KCNMA1: variants seen among roughly 807,000 people sequenced by gnomAD.
KCNMA1 encodes the protein Calcium-activated potassium channel subunit alpha-1.
In KCNMA1, 29 loss-of-function variants were observed where a neutral mutation model predicts 140.0. That is an observed-to-expected ratio of 0.21 (90% CI 0.15 to 0.28). KCNMA1 has a LOEUF of 0.28. KCNMA1 is among the 10% of genes least tolerant of loss of function. The pLI, the probability that KCNMA1 is intolerant of heterozygous loss-of-function variation, is 1.00. For missense variants in KCNMA1, 880 were observed against 1,602.2 expected, an observed-to-expected ratio of 0.55 and a Z score of 7.70; for synonymous variants, 612 against 611.9, an observed-to-expected ratio of 1.00 and a Z score of 0.00.
intron 1 of KCNMA1, among the ~76,000 whole-genome samples, chr10:77,434,596 AC>A (rs1254839063): frequency 1.3e-5 from 2 of 152,078 alleles, no homozygotes; most frequent in Non-Finnish European, 2.9e-5. Flanking sequence ...TCACGACAGG[AC>A]CCCCGAACCC....
intron 23 of KCNMA1, among the ~76,000 whole-genome samples, chr10:76,938,054 T>C (rs2061031587): frequency 6.6e-6 from 1 of 152,100 alleles, no homozygotes; most frequent in African/African-American, 2.4e-5. Context: ...GCTCAGCTTT[T>C]GGTTCTCCGG....
intron 9 of KCNMA1, among the ~76,000 whole-genome samples, chr10:77,100,180 C>T (rs887451289): frequency 2.0e-5 from 3 of 152,124 alleles, no homozygotes; most frequent in South Asian, 4.1e-4. Context: ...CACATTTTAC[C>T]CACAGCACAT....
intron 1 of KCNMA1, among the ~76,000 whole-genome samples, chr10:77,547,410 C>A (rs746159488): frequency 6.6e-6 from 1 of 152,210 alleles, no homozygotes; most frequent in African/African-American, 2.4e-5. Flanking sequence ...CTAGTTCAGA[C>A]AGCCCTCGCC....
intron 19 of KCNMA1, among the ~76,000 whole-genome samples, chr10:76,976,800 A>G (rs1046504372): frequency 5.3e-5 from 8 of 152,040 alleles, no homozygotes; most frequent in Non-Finnish European, 1.0e-4. Flanking sequence ...TAGACTCTCT[A>G]TTACCTCAAG....
At position 77,004,364 on chromosome 10, in the gene KCNMA1, G is replaced by A. The variant is rs568064710; in HGVS notation, c.2093-2784C>T. ...CATGAATCAGAATGTCTAGATCAAGGTGCCACCAACTGGGAAGGTGGCTCT... is the reference window on the plus strand; with the variant it reads ...CATGAATCAGAATGTCTAGATCAAGATGCCACCAACTGGGAAGGTGGCTCT... On this transcript the variant is annotated intron_variant, in intron 18 of 27. Coordinates refer to ENST00000286628, the MANE Select transcript of KCNMA1 (RefSeq NM_001161352.2). Among the ~76,000 whole-genome samples, 6 of 152,226 alleles carry A rather than the reference G, an allele frequency of 3.9e-5. No homozygotes were observed. The South Asian group carries it at 1.0e-3, about 26-fold the overall frequency.
chr10:77,538,499 A>G (rs1177129877), intron 1 of KCNMA1, among the ~76,000 whole-genome samples: 1 of 152,150 alleles, frequency 6.6e-6, no homozygotes, highest in Non-Finnish European at 1.5e-5. Context: ...CTTCTGAGTC[A>G]ACCAGATCTG....
At chr10:77,530,955 T>C (rs2057448949) in intron 1 of KCNMA1, among the ~76,000 whole-genome samples, 2 of 152,180 alleles carry the variant, frequency 1.3e-5, no homozygotes, top group South Asian at 4.1e-4. Context: ...AAGAAATTCG[T>C]CTGTGTCCCT....
At chr10:77,571,605 G>C (rs928068907) in intron 1 of KCNMA1, among the ~76,000 whole-genome samples, 26 of 152,136 alleles carry the variant, frequency 1.7e-4, no homozygotes, top group African/African-American at 5.6e-4. Flanking sequence ...TGGACCACCT[G>C]TCTGTCCCCT....
chr10:76,938,023 C>T (rs989315073), intron 23 of KCNMA1, among the ~76,000 whole-genome samples: 1 of 152,060 alleles, frequency 6.6e-6, no homozygotes, highest in Admixed American at 6.6e-5. Context: ...GCTCCTCCCT[C>T]CCCTGGGACA....
intron 13 of KCNMA1, 107 bp from the exon 14 acceptor site, chr10:77,073,359 C>G: frequency 1.8e-6 from 2 of 1,128,776 alleles, no homozygotes. Flanking sequence ...GCCATCCAGT[C>G]TTGCCCTTCT....
chr10:77,430,792 G>A (rs1268591451), intron 1 of KCNMA1, among the ~76,000 whole-genome samples: 1 of 152,194 alleles, frequency 6.6e-6, no homozygotes, highest in Non-Finnish European at 1.5e-5. Context: ...ATTCGTCTTT[G>A]TATCAATGCA....
At chr10:76,918,951 T>C (rs890467480) in intron 23 of KCNMA1, among the ~76,000 whole-genome samples, 35 of 94,406 alleles carry the variant, frequency 3.7e-4, no homozygotes, top group South Asian at 1.9e-3. Context: ...CACACACATA[T>C]ATATGTGAGT....
At chr10:77,360,815 C>T (rs1370915119) in intron 2 of KCNMA1, among the ~76,000 whole-genome samples, 24 of 152,132 alleles carry the variant, frequency 1.6e-4, no homozygotes, top group Admixed American at 1.4e-3. Context: ...AAGCAGCAGT[C>T]GGAATCTCTG....
chr10:77,309,174 T>C (rs1354875669), intron 2 of KCNMA1, among the ~76,000 whole-genome samples: 1 of 152,186 alleles, frequency 6.6e-6, no homozygotes, highest in South Asian at 2.1e-4. Flanking sequence ...CCTGCAACTT[T>C]CCTTAAGAAG....
chr10:76,893,254 C>A (rs533386695), intron 25 of KCNMA1, among the ~76,000 whole-genome samples: 1 of 152,284 alleles, frequency 6.6e-6, no homozygotes, highest in South Asian at 2.1e-4. Flanking sequence ...ATGCTTGGTG[C>A]ACAGGAAGCA....
chr10:77,498,432 GCA>G (rs1216156234), intron 1 of KCNMA1, among the ~76,000 whole-genome samples: 1 of 152,232 alleles, frequency 6.6e-6, no homozygotes, highest in African/African-American at 2.4e-5. Flanking sequence ...ACAAGTCCAA[GCA>G]CAGTTTGTAC....
chr10:77,481,545 C>T (rs1300803221), intron 1 of KCNMA1, among the ~76,000 whole-genome samples: 2 of 151,912 alleles, frequency 1.3e-5, no homozygotes, highest in African/African-American at 4.8e-5. Context: ...GAGGCCGAGA[C>T]GGGCGGATCA....
chr10:77,454,589 T>C (rs1024140765), intron 1 of KCNMA1, among the ~76,000 whole-genome samples: 2 of 152,212 alleles, frequency 1.3e-5, no homozygotes, highest in South Asian at 2.1e-4. Context: ...GTTAGATGAC[T>C]CCTCATTCCT....
At chr10:77,127,071 A>AACAC (rs60249347) in intron 5 of KCNMA1, among the ~76,000 whole-genome samples, 102 of 146,458 alleles carry the variant, frequency 7.0e-4, no homozygotes, top group Non-Finnish European at 8.9e-4. Flanking sequence ...CACACACACA[A>AACAC]ACACACACAC....
Sources: allele counts gnomAD v4.1 joint callset (sites outside exome capture counted in the v4.1 genomes callset), GRCh38; gene constraint gnomAD v4.1.1; transcripts MANE v1.5; gene names NCBI Gene and HGNC (gene_info 2026-07-23, HGNC 2026-07-21).